PDCD5: variants seen among roughly 807,000 people sequenced by gnomAD.
The protein encoded by PDCD5 is programmed cell death 5.
Under a neutral mutation model 21.9 loss-of-function variants are expected in PDCD5, and 23 were observed. That is an observed-to-expected ratio of 1.05 (90% CI 0.76 to 1.49). The LOEUF (loss-of-function observed/expected upper bound fraction) is 1.49, where lower values mean the gene tolerates loss of function less well. PDCD5 is among the 40% of genes most tolerant of loss of function. PDCD5 has a pLI of 0.00. For missense variants in PDCD5, 152 were observed against 147.7 expected (o/e 1.03, Z -0.15); for synonymous variants, 45 against 49.4 (o/e 0.91, Z 0.37).
At chr19:32,582,132 C>G in intron 1 of PDCD5, 63 bp from the exon 2 acceptor site, 2 of 1,146,440 alleles carry the variant, frequency 1.7e-6, no homozygotes, top group Non-Finnish European at 2.6e-6. Flanking sequence ...ACAACAGAAC[C>G]GTTCCTTTTT....
At chr19:32,582,382 A>G in intron 2 of PDCD5, 150 bp downstream of exon 2, 1 of 676,618 alleles carries the variant, frequency 1.5e-6, no homozygotes, top group Non-Finnish European at 2.7e-6. Context: ...TATCTTCATT[A>G]TTGTTAAATA....
Position 32,586,092 on chromosome 19 carries a change from G to A in PDCD5, c.258+185G>A, listed in dbSNP as rs79619901. On this transcript the variant is annotated intron_variant, in intron 4 of 5. Transcript: ENST00000590247. ...TGCCTTTCCTAAATTCCTCTGCTTC[G>A]CTCCTTTCCTGGCGTTGCTCTGGAA... The A allele has an allele frequency of 3.0e-3, 4,689 of 1,537,882 alleles. 97 individuals carry two copies. In the Admixed American group the frequency reaches 0.041, roughly 14 times the overall value.
At chr19:32,584,869 T>C in intron 2 of PDCD5, 81 bp from the exon 3 acceptor site, 4 of 1,094,692 alleles carry the variant, frequency 3.7e-6, no homozygotes, top group Non-Finnish European at 5.7e-6. Context: ...AGACACATAC[T>C]GGATGGGTTC....
At chr19:32,584,594 A>G (rs996917655) in intron 2 of PDCD5, among the ~76,000 whole-genome samples, 4 of 152,204 alleles carry the variant, frequency 2.6e-5, no homozygotes, top group African/African-American at 9.7e-5. Context: ...GATTAGTCAC[A>G]TGGTCCTTCT....
chr19:32,581,991 C>T (rs1292897728), intron 1 of PDCD5, among the ~76,000 whole-genome samples: 1 of 152,114 alleles, frequency 6.6e-6, no homozygotes, highest in Non-Finnish European at 1.5e-5. Context: ...ATTCCAAAGC[C>T]TTCTGAGGTT....
chr19:32,581,271 G>T lies in PDCD5; in HGVS notation c.10G>T (p.Glu4Ter), dbSNP rs775031475. The T allele has an allele frequency of 2.0e-6, 3 of 1,525,192 alleles. No individual in the cohort carries two copies. Among genetic ancestry groups the T allele is most frequent in the Non-Finnish European group, 1.8e-6 (2 of 1,140,496 alleles). 94.5% of individuals were successfully genotyped at this position (1,525,192 alleles called of 1,614,324 possible). A position where few individuals can be genotyped will look rare whatever the true frequency, so the allele number is the denominator to read the frequency against. ...GCGCTGACGCCGAGCCATGGCGGACGAGGAGCTTGAGGCGCTGAGGAGACA... is the reference window on the plus strand; with the variant it reads ...GCGCTGACGCCGAGCCATGGCGGACTAGGAGCTTGAGGCGCTGAGGAGACA... MAD[E>*]ELEALRRQRL... is the part of the protein sequence containing the mutation. The change falls in exon 1 of 6, where the codon GAG becomes TAG. Residue 4 changes from glutamate to a stop codon, truncating the protein, a stop_gained. Coordinates refer to ENST00000590247, the MANE Select transcript of PDCD5 (RefSeq NM_004708.4). LOFTEE classifies it high-confidence loss of function.
intron 1 of PDCD5, chr19:32,581,687 A>G (rs1971427698): frequency 4.6e-6 from 1 of 218,018 alleles, no homozygotes; most frequent in Non-Finnish European, 8.9e-6. Context: ...TTATGACCCA[A>G]GTTTAGCCGA....
intron 3 of PDCD5, 61 bp from the exon 4 acceptor site, chr19:32,585,754 AG>A: frequency 1.1e-6 from 1 of 939,866 alleles, no homozygotes; most frequent in Admixed American, 1.8e-5. Context: ...CATAGTTTTA[AG>A]GTATAACATA....
At chr19:32,582,347 G>T in intron 2 of PDCD5, 115 bp downstream of exon 2, 1 of 847,642 alleles carries the variant, frequency 1.2e-6, no homozygotes, top group Non-Finnish European at 2.0e-6. Context: ...CTGGAATGGT[G>T]ATTTGGCCAA....
chr19:32,586,958 TGAAAA>T (rs1265545763), intron 5 of PDCD5, 29 bp downstream of exon 5: 2 of 1,506,166 alleles, frequency 1.3e-6, no homozygotes, highest in East Asian at 4.5e-5. Context: ...TTGTGGCAAA[TGAAAA>T]GATGGATACT....
chr19:32,587,395 T>TA lies in PDCD5; in HGVS notation c.*102dup. ...CTTTGTTTATTGTCTATATGCCTTT[T>TA]AAAAAAATAAACTTGTTATGCAAAA... On this transcript the variant is annotated 3_prime_UTR_variant, in exon 6 of 6. Coordinates refer to ENST00000590247, the MANE Select transcript of PDCD5 (RefSeq NM_004708.4). 3 of 762,512 alleles carry TA rather than the reference T, an allele frequency of 3.9e-6. No homozygotes were observed. Among genetic ancestry groups the TA allele is most frequent in the Non-Finnish European group, 6.2e-6 (3 of 480,678 alleles). 47.2% of individuals were successfully genotyped at this position (762,512 alleles called of 1,614,324 possible). A position where few individuals can be genotyped will look rare whatever the true frequency, so the allele number is the denominator to read the frequency against.
Position 32,586,947 on chromosome 19 carries a change from C to CTT in PDCD5, c.330+19_330+20dup. The CTT allele has an allele frequency of 6.4e-7, 1 of 1,574,776 alleles. No individual in the cohort carries two copies. The highest frequency in any genetic ancestry group is 1.1e-5 in the South Asian group (1 of 87,100). ...CAGTGAAAGTAAGTGTCCCCAGATGCTTGTGGCAAATGAAAAGATGGATAC... is the reference window on the plus strand; with the variant it reads ...CAGTGAAAGTAAGTGTCCCCAGATGCTTTTGTGGCAAATGAAAAGATGGATAC... On this transcript the variant is annotated intron_variant, in intron 5 of 5. Transcript: ENST00000590247.
Position 32,581,235 on chromosome 19 carries a change from C to G in PDCD5, c.-27C>G, listed in dbSNP as rs1243621458. On this transcript the variant is annotated 5_prime_UTR_variant, in exon 1 of 6. Transcript: ENST00000590247. ...CGCCGAGGGGCTGCGAGAGTGACCG[C>G]GGCTGCTCCAGCGCTGACGCCGAGC... is the stretch of plus-strand genomic sequence containing the variant. The G allele has an allele frequency of 6.8e-7, 1 of 1,474,514 alleles. No homozygotes were observed. Among genetic ancestry groups the G allele is most frequent in the South Asian group, 1.3e-5 (1 of 77,278 alleles). 91.3% of individuals were successfully genotyped at this position (1,474,514 alleles called of 1,614,324 possible).
intron 2 of PDCD5, 143 bp downstream of exon 2, chr19:32,582,375 C>T: frequency 1.5e-6 from 1 of 689,430 alleles, no homozygotes; most frequent in South Asian, 1.6e-5. Context: ...CGCAGGGTAT[C>T]TTCATTATTG....
intron 2 of PDCD5, among the ~76,000 whole-genome samples, chr19:32,582,505 TC>T (rs1971438241): frequency 6.6e-6 from 1 of 152,206 alleles, no homozygotes; most frequent in Non-Finnish European, 1.5e-5. Context: ...TGTGGCAGTT[TC>T]CTCGGCTGTG....
At chr19:32,584,820 C>G (rs62103897) in intron 2 of PDCD5, 130 bp from the exon 3 acceptor site, 26 of 741,338 alleles carry the variant, frequency 3.5e-5, no homozygotes, top group Admixed American at 1.4e-4. Context: ...TGTACAGCAA[C>G]TACCATAATG....
chr19:32,586,806 A>G (rs374307737), intron 4 of PDCD5, 52 bp from the exon 5 acceptor site: 2 of 1,581,774 alleles, frequency 1.3e-6, no homozygotes, highest in Non-Finnish European at 1.7e-6. Flanking sequence ...TGCAGAGGTA[A>G]ATTCTTTGTT....
intron 5 of PDCD5, 77 bp downstream of exon 5, chr19:32,587,006 A>AC: frequency 8.1e-7 from 1 of 1,236,838 alleles, no homozygotes; most frequent in Non-Finnish European, 1.2e-6. Context: ...CATCTACCAC[A>AC]CATATTTTTC....
chr19:32,582,307 C>T lies in PDCD5; in HGVS notation c.104+75C>T, dbSNP rs1252389139. 5.3e-6 allele frequency: 7 copies of T among 1,317,728 alleles called. No individual in the cohort carries two copies. The African/African-American group carries it at 8.7e-5, about 16-fold the overall frequency. 81.6% of individuals were successfully genotyped at this position (1,317,728 alleles called of 1,614,324 possible). A position where few individuals can be genotyped will look rare whatever the true frequency, so the allele number is the denominator to read the frequency against. On this transcript the variant is annotated intron_variant, in intron 2 of 5. Coordinates refer to ENST00000590247, the MANE Select transcript of PDCD5 (RefSeq NM_004708.4). ...TTTCTTTTGCTGTAGTTATTTTAAG[C>T]AGGTGTGTGACTCAGATTTTTTTGT...
Sources: allele counts gnomAD v4.1 joint callset (sites outside exome capture counted in the v4.1 genomes callset), GRCh38; gene constraint gnomAD v4.1.1; transcripts MANE v1.5; gene names NCBI Gene and HGNC (gene_info 2026-07-23, HGNC 2026-07-21).